Variants in ETV7 observed in about 807,000 individuals in gnomAD.
ETV7 encodes transcription factor ETV7.
Under a neutral mutation model 39.1 loss-of-function variants are expected in ETV7, and 43 were observed. That is an observed-to-expected ratio of 1.10 (90% confidence interval 0.86 to 1.42). The LOEUF is 1.42. ETV7 is among the 40% of genes most tolerant of loss of function. ETV7 has a pLI of 0.00. For missense variants in ETV7, 432 were observed against 442.3 expected, an observed-to-expected ratio of 0.98 and a Z score of 0.21; for synonymous variants, 196 against 176.6, an observed-to-expected ratio of 1.11 and a Z score of -0.87.
downstream of ETV7, among the ~76,000 whole-genome samples, chr6:36,362,957 TGAG>T (rs1431831570): frequency 4.6e-5 from 7 of 152,202 alleles, no homozygotes; most frequent in Non-Finnish European, 7.3e-5. Flanking sequence ...ACCACAATGC[TGAG>T]AAGAGGAAAT....
rs1773855791 is a variant in ETV7 at position 36,385,569 on chromosome 6, C to G, written c.107G>C (p.Gly36Ala). 2 of 1,614,134 alleles carry G rather than the reference C, an allele frequency of 1.2e-6. No homozygotes were observed. The highest frequency in any genetic ancestry group is 1.7e-6 in the Non-Finnish European group (2 of 1,180,056). The change falls in exon 2 of 8, where the codon GGT becomes GCT. Residue 36 changes from glycine to alanine, a missense_variant. Physicochemically the swap from Gly to Ala is moderately conservative, Grantham distance 60 (BLOSUM62 0). Coordinates refer to ENST00000340181, the MANE Select transcript of ETV7 (RefSeq NM_016135.4). ...TGGCAGCTTGCAGATCCCCCCTTCA[C>G]CCAGCAGGTTAATTTGAGCTTCACA... ...ARCEAQINLL[G>A]EGGICKLPGR... is the part of the protein sequence containing the mutation.
In ETV7 at chr6:36,356,342, A is replaced by AAC. The variant is rs1398885730; in HGVS notation, c.909-1656_909-1655insGT. 1.3e-3 allele frequency among the ~76,000 whole-genome samples: 195 copies of AAC among 151,580 alleles called. 4 individuals are homozygous for AAC. In the South Asian group the frequency reaches 0.02, roughly 16 times the overall value. ...CTGTCTCAAAAAAAAAAAAAAAACA[A>AAC]AAAAAAACACAAACAAACACACGTA... On this transcript the variant is annotated intron_variant, in intron 7 of 7. Coordinates refer to the ETV7 transcript ENST00000339796.
At position 36,379,560 on chromosome 6, in the gene ETV7, A is replaced by AAAGAAG. The variant is rs145420270; in HGVS notation, c.143-3531_143-3526dup. On this transcript the variant is annotated intron_variant, in intron 2 of 7. Coordinates refer to ENST00000340181, the MANE Select transcript of ETV7 (RefSeq NM_016135.4). The stretch of plus-strand genomic sequence containing the variant: ...GGGACCCTGTCTCTTAAAAAAAAAA[A>AAAGAAG]AAGAAGAAGAAGAAGAAGAAGAAGA... 5.7e-3 allele frequency among the ~76,000 whole-genome samples: 813 copies of AAAGAAG among 143,844 alleles called. 9 individuals are homozygous for AAAGAAG. The highest frequency in any genetic ancestry group is 0.02 in the African/African-American group (770 of 38,350). The allele number at this position is 143,844 out of a possible 152,430, so 94.4% of individuals were successfully genotyped here. A position where few individuals can be genotyped will look rare whatever the true frequency, so the allele number is the denominator to read the frequency against.
At chr6:36,360,712 G>A (rs1456041098) in intron 7 of ETV7, among the ~76,000 whole-genome samples, 1 of 152,158 alleles carries the variant, frequency 6.6e-6, no homozygotes, top group Non-Finnish European at 1.5e-5. Flanking sequence ...AGGCCTTTCC[G>A]TGGAGAGAAG....
intron 7 of ETV7, among the ~76,000 whole-genome samples, chr6:36,358,575 A>G (rs1427514494): frequency 6.6e-6 from 1 of 152,246 alleles, no homozygotes; most frequent in Non-Finnish European, 1.5e-5. Context: ...CCTGATGTTC[A>G]GTTTCCCCAT....
downstream of ETV7, among the ~76,000 whole-genome samples, chr6:36,363,518 G>C (rs1316622807): frequency 6.6e-6 from 1 of 152,346 alleles, no homozygotes; most frequent in East Asian, 1.9e-4. Context: ...CAGGAGTGAA[G>C]CTGCAGATCT....
chr6:36,362,181 C>G (rs1772511479), downstream of ETV7, among the ~76,000 whole-genome samples: 1 of 152,088 alleles, frequency 6.6e-6, no homozygotes, highest in Non-Finnish European at 1.5e-5. Context: ...ACCTGTAGTC[C>G]CAGCTACTTG....
chr6:36,365,450 C>A (rs1772678005), downstream of ETV7, among the ~76,000 whole-genome samples: 1 of 152,198 alleles, frequency 6.6e-6, no homozygotes, highest in South Asian at 2.1e-4. Flanking sequence ...GAGGTCAGGT[C>A]AGGAGAAGGA....
chr6:36,366,336 A>C lies in ETV7; in HGVS notation c.*309T>G. On this transcript the variant is annotated 3_prime_UTR_variant, in exon 8 of 8. Transcript: ENST00000340181. ...AGGGACTTCATTCCCTTCATCTGGTAAATTCCATTTACAGGGGTGGGGCTG... is the reference window on the plus strand; with the variant it reads ...AGGGACTTCATTCCCTTCATCTGGTCAATTCCATTTACAGGGGTGGGGCTG... 8.5e-7 allele frequency: 1 copy of C among 1,171,308 alleles called. No individual in the cohort carries two copies. Among genetic ancestry groups the C allele is most frequent in the Non-Finnish European group, 1.1e-6 (1 of 943,408 alleles). The allele number at this position is 1,171,308 out of a possible 1,614,324, so 72.6% of individuals were successfully genotyped here.
At chr6:36,361,641 A>C (rs4713964), downstream of ETV7, among the ~76,000 whole-genome samples, 52,853 of 152,122 alleles carry the variant, frequency 0.35, 10,961 homozygotes, top group East Asian at 0.57. Context: ...CCTTTCTAAG[A>C]AAGAATCCAC....
Position 36,373,590 on chromosome 6 carries a change from TGGGAGGGA to T in ETV7, c.308-20_308-13del. On this transcript the variant is annotated splice_polypyrimidine_tract_variant and intron_variant, in intron 3 of 7. Transcript: ENST00000340181. ...ATACAGGACGTCACCTGGAGGTGGG[TGGGAGGGA>T]GGGCAGGCTGCTGAACAGGCCACGT... The T allele has an allele frequency of 7.8e-6, 2 of 255,694 alleles. No homozygotes were observed. Among genetic ancestry groups the T allele is most frequent in the Non-Finnish European group, 1.4e-5 (2 of 145,282 alleles). 15.8% of individuals were successfully genotyped at this position (255,694 alleles called of 1,614,324 possible).
Position 36,387,664 on chromosome 6 carries a change from AACT to A in ETV7, c.-126_-124del. The A allele has an allele frequency of 9.0e-7, 1 of 1,112,868 alleles. No homozygotes were observed. Among genetic ancestry groups the A allele is most frequent in the Non-Finnish European group, 1.3e-6 (1 of 757,144 alleles). The allele number at this position is 1,112,868 out of a possible 1,614,324, so 68.9% of individuals were successfully genotyped here. ...GCCAAACCCCTAACCTGGCTCCGAGAACTGGAAGGTCGCGTGGGAGGAAATCTC... is the reference window on the plus strand; with the variant it reads ...GCCAAACCCCTAACCTGGCTCCGAGAGGAAGGTCGCGTGGGAGGAAATCTC... On this transcript the variant is annotated 5_prime_UTR_variant, in exon 1 of 8. Transcript: ENST00000340181.
In ETV7 at chr6:36,356,264, T is replaced by C. The variant is rs1282631837; in HGVS notation, c.909-1577A>G. On this transcript the variant is annotated intron_variant, in intron 7 of 7. Coordinates refer to the ETV7 transcript ENST00000339796. ...CAGCCTAGGCAACACAGTGAAACAA[T>C]GATGAGCAATGATGGCACCATTGCA... Among the ~76,000 whole-genome samples the C allele has an allele frequency of 3.8e-4, 53 of 139,082 alleles. No individual in the cohort carries two copies. The Admixed American group carries it at 4.1e-3, about 11-fold the overall frequency. The allele number at this position is 139,082 out of a possible 152,430, so 91.2% of individuals were successfully genotyped here.
Position 36,371,368 on chromosome 6 carries a change from G to A in ETV7, c.626C>T (p.Pro209Leu), listed in dbSNP as rs775658553. 1.9e-6 allele frequency: 3 copies of A among 1,600,202 alleles called. No individual in the cohort carries two copies. The African/African-American group carries it at 4.0e-5, about 21-fold the overall frequency. The change falls in exon 5 of 8, where the codon CCC becomes CTC. Residue 209 changes from proline (P) to leucine (L), a missense_variant. Transcript: ENST00000340181. ...GTCAATGGGGGCCTGCGGCATCGCG[G>A]GGAAGGAACAGACCCCCTGGGTCCT... is the stretch of plus-strand genomic sequence containing the variant. ...GCRTQGVCSF[P>L]AMPQAPIDGR...
At chr6:36,368,779 C>G in intron 6 of ETV7, 150 bp downstream of exon 6, 1 of 1,025,314 alleles carries the variant, frequency 9.8e-7, no homozygotes, top group Non-Finnish European at 1.4e-6. Context: ...CCCTCAATAG[C>G]TCCCCAAATA....
intron 7 of ETV7, among the ~76,000 whole-genome samples, chr6:36,359,219 G>A (rs1278656862): frequency 1.3e-5 from 2 of 152,202 alleles, no homozygotes; most frequent in African/African-American, 4.8e-5. Context: ...GGGAGGCCAA[G>A]GTGGGCAAAT....
chr6:36,364,760 G>A (rs1016793926), downstream of ETV7, among the ~76,000 whole-genome samples: 2 of 152,246 alleles, frequency 1.3e-5, no homozygotes, highest in African/African-American at 2.4e-5. Context: ...GAGCGAGCGA[G>A]GGCTGTGAGG....
At chr6:36,381,362 C>T (rs906616731) in intron 2 of ETV7, among the ~76,000 whole-genome samples, 1 of 152,172 alleles carries the variant, frequency 6.6e-6, no homozygotes, top group Non-Finnish European at 1.5e-5. Flanking sequence ...GCCCAGTTTA[C>T]ACAACTGTAA....
At chr6:36,362,209 G>A (rs952082582), downstream of ETV7, among the ~76,000 whole-genome samples, 11 of 152,210 alleles carry the variant, frequency 7.2e-5, no homozygotes. Flanking sequence ...GGCTGAGGCA[G>A]GAGAATGGCG....
Sources: allele counts gnomAD v4.1 joint callset (sites outside exome capture counted in the v4.1 genomes callset), GRCh38; gene constraint gnomAD v4.1.1; transcripts MANE v1.5; gene names NCBI Gene and HGNC (gene_info 2026-07-23, HGNC 2026-07-21).